The following SEC14L1 variants were observed in gnomAD, a reference collection of about 807,000 sequenced individuals.
The protein encoded by SEC14L1 is SEC14-like protein 1.
Under a neutral mutation model 85.3 loss-of-function variants are expected in SEC14L1, and 48 were observed. The observed-to-expected ratio is 0.56, with a 90% CI of 0.45 to 0.72. The LOEUF is 0.72. SEC14L1 is among the 30% of genes least tolerant of loss of function. SEC14L1 has a pLI of 0.00. For missense variants in SEC14L1, 682 were observed against 921.4 expected, an observed-to-expected ratio of 0.74 and a Z score of 3.36; for synonymous variants, 391 against 355.5, an observed-to-expected ratio of 1.10 and a Z score of -1.12.
intron 3 of SEC14L1, among the ~76,000 whole-genome samples, chr17:77,184,568 C>G (rs1405732894): frequency 6.6e-6 from 1 of 152,156 alleles, no homozygotes; most frequent in Non-Finnish European, 1.5e-5. Flanking sequence ...CCCCTTCAGG[C>G]TGGTTCCTCT....
At position 77,216,597 on chromosome 17, in the gene SEC14L1, C is replaced by T. The variant is rs757477698; in HGVS notation, c.*2574C>T. On this transcript the variant is annotated 3_prime_UTR_variant, in exon 17 of 17. Coordinates refer to ENST00000436233, the MANE Select transcript of SEC14L1 (RefSeq NM_001143998.2). ...CAAGAAAATGCTTCACTCAACAGTC[C>T]TCATGTGCCCAGAGATGTTTATAGA... 3.2e-5 allele frequency: 51 copies of T among 1,613,170 alleles called. No homozygotes were observed. In the Admixed American group the frequency reaches 8.2e-4, roughly 26 times the overall value.
At position 77,144,325 on chromosome 17, in the gene SEC14L1, C is replaced by T. The variant is rs143470040; in HGVS notation, c.63+666C>T. 3.5e-3 allele frequency among the ~76,000 whole-genome samples: 537 copies of T among 152,158 alleles called. 3 individuals are homozygous for T. Among genetic ancestry groups the T allele is most frequent in the African/African-American group, 0.012 (497 of 41,484 alleles). ...TTCATGAGCACACACCTGATGAAAA[C>T]GTGTGTCACACTCAGCACACCTGGG... On this transcript the variant is annotated intron_variant, in intron 3 of 16. Coordinates refer to ENST00000436233, the MANE Select transcript of SEC14L1 (RefSeq NM_001143998.2).
intron 13 of SEC14L1, among the ~76,000 whole-genome samples, chr17:77,209,132 G>A (rs1292760589): frequency 1.3e-5 from 2 of 152,116 alleles, no homozygotes. Flanking sequence ...ACTTGTTCCC[G>A]TTTATGCAGA....
chr17:77,204,838 G>T (rs1287240978), intron 10 of SEC14L1, among the ~76,000 whole-genome samples: 2 of 152,126 alleles, frequency 1.3e-5, no homozygotes, highest in East Asian at 1.9e-4. Flanking sequence ...CAGGGGAGGG[G>T]TTTATTAACC....
intron 2 of SEC14L1, among the ~76,000 whole-genome samples, chr17:77,092,960 AAAAAAAAAAAAAAG>A (rs1232578945): frequency 6.6e-6 from 1 of 151,480 alleles, no homozygotes; most frequent in African/African-American, 2.4e-5. Context: ...TCAAAAAAAA[AAAAAAAAAAAAAAG>A]AAAGGGAAAG....
chr17:77,130,837 C>A (rs568149190), intron 3 of SEC14L1, among the ~76,000 whole-genome samples: 1 of 152,246 alleles, frequency 6.6e-6, no homozygotes, highest in Admixed American at 6.5e-5. Context: ...AATTCCTGGG[C>A]TCAAGGGATC....
At chr17:77,156,739 T>C (rs1228815346) in intron 3 of SEC14L1, among the ~76,000 whole-genome samples, 1 of 152,104 alleles carries the variant, frequency 6.6e-6, no homozygotes, top group Non-Finnish European at 1.5e-5. Context: ...CATTGGAACA[T>C]AGTCGTTTGG....
chr17:77,188,791 A>G (rs1440344216), intron 3 of SEC14L1, among the ~76,000 whole-genome samples: 3 of 152,148 alleles, frequency 2.0e-5, no homozygotes, highest in East Asian at 1.9e-4. Context: ...CCACATCCCA[A>G]CCAGCACTGT....
intron 3 of SEC14L1, among the ~76,000 whole-genome samples, chr17:77,155,752 T>C (rs1165530551): frequency 6.6e-6 from 1 of 152,242 alleles, no homozygotes; most frequent in Non-Finnish European, 1.5e-5. Flanking sequence ...TTTAATTTTT[T>C]TGAGACAGAA....
intron 3 of SEC14L1, among the ~76,000 whole-genome samples, chr17:77,147,569 G>C (rs1598298621): frequency 6.6e-6 from 1 of 152,258 alleles, no homozygotes; most frequent in Non-Finnish European, 1.5e-5. Flanking sequence ...CGGGGAATCT[G>C]AGACTCCGAG....
chr17:77,205,476 A>G, intron 11 of SEC14L1, 130 bp downstream of exon 11: 1 of 791,686 alleles, frequency 1.3e-6, no homozygotes, highest in South Asian at 1.6e-5. Flanking sequence ...AGAAGTGAAC[A>G]TGTAATATGC....
rs374159174 is a variant in SEC14L1, at chr17:77,209,487, C to T, written c.1611+11C>T. 7.4e-6 allele frequency: 12 copies of T among 1,612,550 alleles called. No individual in the cohort carries two copies. Among genetic ancestry groups the T allele is most frequent in the South Asian group, 2.2e-5 (2 of 91,032 alleles). The stretch of plus-strand genomic sequence containing the variant: ...GGAGCCCCACATGAGGTACGTCCTC[C>T]GCCTTCCTGCACCTGGGCCGGCCCT... On this transcript the variant is annotated intron_variant, in intron 14 of 16. Coordinates refer to ENST00000436233, the MANE Select transcript of SEC14L1 (RefSeq NM_001143998.2).
rs548224868 is a variant in SEC14L1, at chr17:77,096,332, G to A, written c.-136+2985G>A. 2.9e-4 allele frequency among the ~76,000 whole-genome samples: 40 copies of A among 135,910 alleles called. No homozygotes were observed. The South Asian group carries it at 9.6e-3, about 33-fold the overall frequency. The allele number at this position is 135,910 out of a possible 152,430, so 89.2% of individuals were successfully genotyped here. ...CCCAGCACTTTGGGCCAAGGCAGGCGGATCACCTGAGGTCAAGAGTTCGAG... is the reference window on the plus strand; with the variant it reads ...CCCAGCACTTTGGGCCAAGGCAGGCAGATCACCTGAGGTCAAGAGTTCGAG... On this transcript the variant is annotated intron_variant, in intron 3 of 19. Transcript: ENST00000392476.
chr17:77,128,684 C>T (rs1443167154), intron 3 of SEC14L1, among the ~76,000 whole-genome samples: 1 of 151,844 alleles, frequency 6.6e-6, no homozygotes, highest in African/African-American at 2.4e-5. Context: ...GAACTCATGA[C>T]CTCAGGTGAT....
intron 3 of SEC14L1, among the ~76,000 whole-genome samples, chr17:77,109,768 A>G (rs1232216558): frequency 6.6e-6 from 1 of 152,226 alleles, no homozygotes; most frequent in Admixed American, 6.5e-5. Context: ...ATGTTCTAAA[A>G]GGAACAAAAC....
chr17:77,183,464 G>A (rs1234328592), intron 3 of SEC14L1, among the ~76,000 whole-genome samples: 2 of 152,114 alleles, frequency 1.3e-5, no homozygotes, highest in East Asian at 1.9e-4. Flanking sequence ...ATATTCTTCT[G>A]TCTAGCTGTG....
At chr17:77,145,545 G>C (rs1312786102) in intron 3 of SEC14L1, among the ~76,000 whole-genome samples, 1 of 152,190 alleles carries the variant, frequency 6.6e-6, no homozygotes, top group Non-Finnish European at 1.5e-5. Context: ...TCTTAAATAT[G>C]TGTAGCTAGG....
rs753380709 is a variant in SEC14L1 at position 77,212,069 on chromosome 17, C to T, written c.1731C>T (p.Asp577=). The change falls in exon 15 of 17, where the codon GAC becomes GAT. Residue 577 remains aspartate, a synonymous_variant. Coordinates refer to ENST00000436233, the MANE Select transcript of SEC14L1 (RefSeq NM_001143998.2). ...SKRSPQPPKK[D]SLGAHSITSP... ...GGTCGCCACAACCACCCAAAAAGGA[C>T]TCCCTGGGAGCCCACAGCATCACCT... The T allele has an allele frequency of 3.7e-6, 6 of 1,614,158 alleles. No homozygotes were observed. Among genetic ancestry groups the T allele is most frequent in the Non-Finnish European group, 5.1e-6 (6 of 1,180,042 alleles).
chr17:77,204,374 T>C (rs1976350360), intron 10 of SEC14L1, among the ~76,000 whole-genome samples: 1 of 151,712 alleles, frequency 6.6e-6, no homozygotes, highest in Admixed American at 6.6e-5. Context: ...CCCGCCACCA[T>C]GCCCAGCTAA....
Sources: allele counts gnomAD v4.1 joint callset (sites outside exome capture counted in the v4.1 genomes callset), GRCh38; gene constraint gnomAD v4.1.1; transcripts MANE v1.5; gene names NCBI Gene and HGNC (gene_info 2026-07-23, HGNC 2026-07-21).